ABCB4: variants seen among roughly 807,000 people sequenced by gnomAD.
ABCB4 encodes phosphatidylcholine translocator ABCB4.
ABCB4 carries 76 observed loss-of-function variants against 145.7 expected under a neutral mutation model. That is an observed-to-expected ratio of 0.52 (90% CI 0.43 to 0.63). ABCB4 has a LOEUF of 0.63. ABCB4 is among the 30% of genes least tolerant of loss of function. The probability of loss-of-function intolerance (pLI) is 0.00; values close to 1 mark genes in which losing one functional copy is unlikely to be tolerated. For synonymous variants in ABCB4, 517 were observed against 566.8 expected, an observed-to-expected ratio of 0.91 and a Z score of 1.25; for missense variants, 1,234 against 1,553.1, an observed-to-expected ratio of 0.79 and a Z score of 3.45.
At chr7:87,388,879 T>C in the ABCB4 span, among the ~76,000 whole-genome samples, 2 of 152,056 alleles carry the variant, frequency 1.3e-5, no homozygotes, top group African/African-American at 4.8e-5. Flanking sequence ...TCTAACCACC[T>C]GACAAAGGGC....
At chr7:87,393,952 T>G in the ABCB4 span, among the ~76,000 whole-genome samples, 1 of 152,146 alleles carries the variant, frequency 6.6e-6, no homozygotes, top group South Asian at 2.1e-4. Flanking sequence ...AAAACTAAAG[T>G]ATTCATGAAT....
At chr7:87,435,444 T>C (rs1234128170) in intron 14 of ABCB4, among the ~76,000 whole-genome samples, 1 of 152,186 alleles carries the variant, frequency 6.6e-6, no homozygotes, top group African/African-American at 2.4e-5. Context: ...AGAAATTGAT[T>C]TCTACAATTT....
At chr7:87,391,690 C>T in the ABCB4 span, 1 of 1,609,660 alleles carries the variant, frequency 6.2e-7, no homozygotes, top group Non-Finnish European at 8.5e-7. Flanking sequence ...TGGTGCCAGT[C>T]CATGCAGGAT....
At chr7:87,391,276 T>C in the ABCB4 span, among the ~76,000 whole-genome samples, 13 of 152,336 alleles carry the variant, frequency 8.5e-5, no homozygotes, top group African/African-American at 3.1e-4. Context: ...TGCAAGTCAC[T>C]GTCTAGCCTG....
At chr7:87,449,468 G>A (rs1205674340) in intron 8 of ABCB4, among the ~76,000 whole-genome samples, 2 of 148,994 alleles carry the variant, frequency 1.3e-5, no homozygotes, top group African/African-American at 4.9e-5. Context: ...CTTTTTTTGT[G>A]ATAGAGGCTC....
At chr7:87,447,305 G>T in intron 8 of ABCB4, 100 bp from the exon 9 acceptor site, 1 of 1,176,744 alleles carries the variant, frequency 8.5e-7, no homozygotes, top group Non-Finnish European at 1.2e-6. Context: ...AAGTAACAAA[G>T]TCAGTCAAGG....
the ABCB4 span, among the ~76,000 whole-genome samples, chr7:87,367,949 G>T: frequency 6.6e-6 from 1 of 152,108 alleles, no homozygotes; most frequent in African/African-American, 2.4e-5. Context: ...ACAGCTGGAG[G>T]GATCTTTTTA....
chr7:87,406,527 G>A lies in ABCB4; in HGVS notation c.3280-33C>T, dbSNP rs761703011. ...CCAAAGTCCACAAACTATAAGAAGG[G>A]TATAAAAAAGAAAAAAAAACTAAAA... On this transcript the variant is annotated intron_variant, in intron 25 of 27. Coordinates refer to ENST00000649586, the MANE Select transcript of ABCB4 (RefSeq NM_000443.4). 3 of 1,609,746 alleles carry A rather than the reference G, an allele frequency of 1.9e-6. No homozygotes were observed. In the South Asian group the frequency reaches 3.3e-5, roughly 18 times the overall value.
At chr7:87,366,511 A>G in the ABCB4 span, among the ~76,000 whole-genome samples, 1 of 152,132 alleles carries the variant, frequency 6.6e-6, no homozygotes, top group Admixed American at 6.6e-5. Context: ...TTAGCTTTCA[A>G]TTGTAGACGA....
Position 87,422,203 on chromosome 7 carries a change from G to C in ABCB4, c.2234C>G (p.Ala745Gly). The C allele has an allele frequency of 6.2e-7, 1 of 1,613,492 alleles. No homozygotes were observed. Among genetic ancestry groups the C allele is most frequent in the Non-Finnish European group, 8.5e-7 (1 of 1,179,568 alleles). ...IIAIFGPGDD[A>G]VKQQKCNIFS... ...TATGTTGCACTTCTGCTGCTTCACTGCATCATCGCCTGGTCCAAAAATCTA... is the reference window on the plus strand; with the variant it reads ...TATGTTGCACTTCTGCTGCTTCACTCCATCATCGCCTGGTCCAAAAATCTA... Residue 745 changes from alanine to glycine, a missense_variant, in exon 18 of 28, where the codon GCA becomes GGA. This residue lies in a region of ABCB4 where 321 missense variants were observed against 332.6 expected (regional missense o/e 0.97). Coordinates refer to ENST00000649586, the MANE Select transcript of ABCB4 (RefSeq NM_000443.4).
intron 26 of ABCB4, among the ~76,000 whole-genome samples, chr7:87,405,373 T>C (rs1385096881): frequency 1.3e-5 from 2 of 151,374 alleles, no homozygotes; most frequent in East Asian, 3.9e-4. Flanking sequence ...GATATATGCA[T>C]GGCTCTAAAA....
At chr7:87,466,908 G>C (rs543518505) in intron 3 of ABCB4, among the ~76,000 whole-genome samples, 1 of 152,134 alleles carries the variant, frequency 6.6e-6, no homozygotes, top group Non-Finnish European at 1.5e-5. Context: ...AGCACTAAAC[G>C]TGGAAAGGAA....
At chr7:87,389,466 C>T in the ABCB4 span, among the ~76,000 whole-genome samples, 1 of 152,146 alleles carries the variant, frequency 6.6e-6, no homozygotes, top group Non-Finnish European at 1.5e-5. Context: ...AGTTCATGTC[C>T]TTTGCAGGGA....
the ABCB4 span, chr7:87,375,678 C>A: frequency 6.2e-7 from 1 of 1,613,552 alleles, no homozygotes; most frequent in South Asian, 1.1e-5. Flanking sequence ...ACCTGATGGA[C>A]CTGGGATTGC....
chr7:87,382,835 G>A, the ABCB4 span, among the ~76,000 whole-genome samples: 6 of 152,082 alleles, frequency 3.9e-5, no homozygotes, highest in Admixed American at 6.6e-5. Context: ...TTCTTGCAAC[G>A]TCAGTTTTCT....
Position 87,472,802 on chromosome 7 carries a change from A to C in ABCB4, c.81-127T>G, listed in dbSNP as rs1584802932. On this transcript the variant is annotated intron_variant, in intron 2 of 27. Transcript: ENST00000649586. ...CAAATATAAGAGTGATGTTCACAAAATGTCAAAATTATTCAGTTCAACAAA... is the reference window on the plus strand; with the variant it reads ...CAAATATAAGAGTGATGTTCACAAACTGTCAAAATTATTCAGTTCAACAAA... 1.1e-5 allele frequency: 8 copies of C among 759,286 alleles called. No individual in the cohort carries two copies. In the South Asian group the frequency reaches 1.4e-4, roughly 13 times the overall value. 47.0% of individuals were successfully genotyped at this position (759,286 alleles called of 1,614,324 possible).
chr7:87,412,169 T>C, intron 22 of ABCB4, 136 bp from the exon 23 acceptor site: 2 of 849,526 alleles, frequency 2.4e-6, no homozygotes, highest in Non-Finnish European at 3.9e-6. Flanking sequence ...GGGTAAATGA[T>C]AACTTCTCTA....
chr7:87,391,805 T>C, the ABCB4 span: 2 of 1,263,302 alleles, frequency 1.6e-6, no homozygotes, highest in African/African-American at 1.6e-5. Flanking sequence ...TGCTTCAGTT[T>C]TCCTGGATCA....
In ABCB4 at chr7:87,403,116, G is replaced by A. The variant is rs1483670777; in HGVS notation, c.3633+19C>T. 3.5e-5 allele frequency: 57 copies of A among 1,613,364 alleles called. No homozygotes were observed. Among genetic ancestry groups the A allele is most frequent in the Non-Finnish European group, 4.7e-5 (56 of 1,179,558 alleles). ...ATTTCATAAATTAAATAAGACATAA[G>A]TTGGGAGGCCACACACACCTTTTCA... On this transcript the variant is annotated intron_variant, in intron 27 of 27. Coordinates refer to ENST00000649586, the MANE Select transcript of ABCB4 (RefSeq NM_000443.4).
Sources: gnomAD v4.1 joint callset for allele counts (sites outside exome capture counted in the v4.1 genomes callset) on GRCh38, gnomAD v4.1.1 for gene constraint, gnomAD v4.1.1 regional missense constraint, MANE v1.5 for transcripts, NCBI Gene and HGNC (gene_info 2026-07-23, HGNC 2026-07-21) for gene names.